TRHDE: variants seen among roughly 807,000 people sequenced by gnomAD.
The protein encoded by TRHDE is thyrotropin releasing hormone degrading enzyme.
TRHDE carries 72 observed loss-of-function variants against 125.7 expected under a neutral mutation model. That is an observed-to-expected ratio of 0.57 (90% CI 0.47 to 0.70). TRHDE has a LOEUF of 0.70. Ranked by LOEUF, TRHDE falls within the 30% of genes least tolerant of loss-of-function variation. The pLI is 0.00. For synonymous variants in TRHDE, 509 were observed against 509.1 expected (o/e 1.00, Z 0.00); for missense variants, 1,110 against 1,327.1 (o/e 0.84, Z 2.54).
rs570667810 is a variant in TRHDE at position 72,186,969 on chromosome 12, A to G, written n.279+81217A>G. Among the ~76,000 whole-genome samples the G allele has an allele frequency of 5.9e-5, 9 of 152,170 alleles. No individual in the cohort carries two copies. In the South Asian group the frequency reaches 1.9e-3, roughly 32 times the overall value. On this transcript the variant is annotated intron_variant and non_coding_transcript_variant, in intron 2 of 4. Transcript: ENST00000548156. ...GATAGAAACTATCATGGTGGAAGAGAGAAGGATGAGGCATATGACCAGGTG... is the reference window on the plus strand; with the variant it reads ...GATAGAAACTATCATGGTGGAAGAGGGAAGGATGAGGCATATGACCAGGTG...
intron 3 of TRHDE, among the ~76,000 whole-genome samples, chr12:72,399,252 G>A (rs1872935062): frequency 6.6e-6 from 1 of 152,208 alleles, no homozygotes; most frequent in Admixed American, 6.5e-5. Context: ...TCTGCTTTAA[G>A]TATTATCTGA....
Position 72,650,209 on chromosome 12 carries a change from C to T in TRHDE, c.2676-2113C>T, listed in dbSNP as rs529746074. 1.3e-3 allele frequency among the ~76,000 whole-genome samples: 193 copies of T among 152,146 alleles called. 2 individuals carry two copies. The highest frequency in any genetic ancestry group is 4.3e-3 in the African/African-American group (177 of 41,546). On this transcript the variant is annotated intron_variant, in intron 15 of 18. Transcript: ENST00000261180. ...AATACTATTCAGCCTTTACAAAGCA[C>T]GACGTTTTTCAATATTGACAATATT...
chr12:72,329,638 A>G (rs1029998456), intron 2 of TRHDE, among the ~76,000 whole-genome samples: 20 of 152,336 alleles, frequency 1.3e-4, no homozygotes, highest in African/African-American at 4.6e-4. Context: ...GGTTGCATTG[A>G]TAAATGGTAG....
chr12:72,175,491 C>G (rs1279606715), intron 2 of TRHDE, among the ~76,000 whole-genome samples: 1 of 152,174 alleles, frequency 6.6e-6, no homozygotes. Context: ...GAAAGACTCC[C>G]TTTCATGTGG....
intron 6 of TRHDE, among the ~76,000 whole-genome samples, chr12:72,537,460 A>G (rs150865089): frequency 6.6e-6 from 1 of 152,148 alleles, no homozygotes; most frequent in Non-Finnish European, 1.5e-5. Context: ...CTGCGTGCTC[A>G]CACTCACAAG....
chr12:72,466,586 G>A (rs1876385111), intron 3 of TRHDE, among the ~76,000 whole-genome samples: 1 of 152,172 alleles, frequency 6.6e-6, no homozygotes, highest in Non-Finnish European at 1.5e-5. Context: ...TATTGGTTAT[G>A]AACTTACAAT....
At chr12:72,193,274 C>T (rs1350582034) in intron 2 of TRHDE, among the ~76,000 whole-genome samples, 1 of 151,546 alleles carries the variant, frequency 6.6e-6, no homozygotes, top group African/African-American at 2.4e-5. Context: ...ATTTCAGCCT[C>T]AAAAAGTTTT....
intron 2 of TRHDE, among the ~76,000 whole-genome samples, chr12:72,260,478 GGGAGCAACT>G (rs1878924495): frequency 6.6e-6 from 1 of 152,116 alleles, no homozygotes; most frequent in African/African-American, 2.4e-5. Flanking sequence ...GTGGCTCACT[GGGAGCAACT>G]GGACACGGGA....
intron 12 of TRHDE, among the ~76,000 whole-genome samples, chr12:72,615,234 T>C (rs766117620): frequency 2.0e-5 from 3 of 152,168 alleles, no homozygotes; most frequent in Non-Finnish European, 4.4e-5. Flanking sequence ...GACACAATTA[T>C]ATATTAAACA....
At position 72,302,230 on chromosome 12, in the gene TRHDE, A is replaced by G. The variant is rs376037170; in HGVS notation, c.1188+15276A>G. On this transcript the variant is annotated intron_variant, in intron 2 of 18. Transcript: ENST00000261180. ...TAACCTAAATGTTTCTATGATTATT[A>G]TCTATGTGTGTGTGTATGTGTGTGT... Among the ~76,000 whole-genome samples, 8 of 114,400 alleles carry G rather than the reference A, an allele frequency of 7.0e-5. No individual in the cohort carries two copies. In the East Asian group the frequency reaches 1.0e-3, roughly 15 times the overall value. 75.1% of individuals were successfully genotyped at this position (114,400 alleles called of 152,430 possible).
intron 3 of TRHDE, among the ~76,000 whole-genome samples, chr12:72,417,136 G>T (rs1198654611): frequency 6.6e-6 from 1 of 151,874 alleles, no homozygotes; most frequent in Non-Finnish European, 1.5e-5. Flanking sequence ...TACTTTAAAT[G>T]AGATTACTTT....
intron 2 of TRHDE, among the ~76,000 whole-genome samples, chr12:72,224,857 C>T (rs1878092625): frequency 6.6e-6 from 1 of 152,172 alleles, no homozygotes; most frequent in Non-Finnish European, 1.5e-5. Flanking sequence ...AATGCAACTA[C>T]ACAAATAGTT....
chr12:72,532,486 A>G (rs1027650026), intron 6 of TRHDE, among the ~76,000 whole-genome samples: 5 of 151,106 alleles, frequency 3.3e-5, no homozygotes, highest in African/African-American at 7.2e-5. Context: ...CTTATTTTCA[A>G]CTTTAAGAAG....
intron 3 of TRHDE, among the ~76,000 whole-genome samples, chr12:72,445,838 T>G (rs373817660): frequency 2.6e-5 from 4 of 151,990 alleles, no homozygotes; most frequent in African/African-American, 9.7e-5. Context: ...TCCAGATTAC[T>G]AGCTTGCTTG....
chr12:72,616,151 A>G (rs1022238356), intron 12 of TRHDE, among the ~76,000 whole-genome samples: 2 of 152,124 alleles, frequency 1.3e-5, no homozygotes, highest in Non-Finnish European at 2.9e-5. Flanking sequence ...AATGCTTTTA[A>G]TTACTTGCCT....
intron 5 of TRHDE, among the ~76,000 whole-genome samples, chr12:72,474,166 T>C (rs565995417): frequency 2.4e-4 from 36 of 152,226 alleles, no homozygotes; most frequent in Non-Finnish European, 5.1e-4. Context: ...CTTGATGAGT[T>C]TGGAGATAAG....
intron 14 of TRHDE, 168 bp downstream of exon 14, chr12:72,621,373 G>T: frequency 1.7e-6 from 1 of 596,996 alleles, no homozygotes. Context: ...TCCATTGCCT[G>T]ATCCTGAGAA....
chr12:72,646,745 A>G (rs1187962877), intron 15 of TRHDE, among the ~76,000 whole-genome samples: 1 of 152,064 alleles, frequency 6.6e-6, no homozygotes, highest in Non-Finnish European at 1.5e-5. Flanking sequence ...AAAGAAGGGC[A>G]CTATATTATA....
At chr12:72,377,488 G>A (rs1203860972) in intron 2 of TRHDE, among the ~76,000 whole-genome samples, 1 of 151,880 alleles carries the variant, frequency 6.6e-6, no homozygotes, top group Non-Finnish European at 1.5e-5. Flanking sequence ...TCCCTACTTT[G>A]CATATTGGGA....
Sources: allele counts gnomAD v4.1 joint callset (sites outside exome capture counted in the v4.1 genomes callset), GRCh38; gene constraint gnomAD v4.1.1; transcripts MANE v1.5; gene names NCBI Gene and HGNC (gene_info 2026-07-23, HGNC 2026-07-21).